The following ERC1 variants were observed in gnomAD, a reference collection of about 807,000 sequenced individuals.
The protein encoded by ERC1 is ELKS/RAB6-interacting/CAST family member 1, also known as RAB6 interacting protein 2.
In ERC1, 56 loss-of-function variants were observed where a neutral mutation model predicts 132.0. That is an observed-to-expected ratio of 0.42 (90% CI 0.34 to 0.53). The LOEUF is 0.53. ERC1 is among the 20% of genes least tolerant of loss of function. The probability of loss-of-function intolerance (pLI) is 0.03; values close to 1 mark genes in which losing one functional copy is unlikely to be tolerated. For synonymous variants in ERC1, 478 were observed against 476.1 expected (o/e 1.00, Z -0.05); for missense variants, 1,202 against 1,349.9 (o/e 0.89, Z 1.72).
chr12:1,405,679 G>A (rs534457520), intron 16 of ERC1, among the ~76,000 whole-genome samples: 9 of 152,066 alleles, frequency 5.9e-5, no homozygotes, highest in African/African-American at 2.2e-4. Flanking sequence ...CTCCAGTCTG[G>A]GTGACAGAGC....
chr12:1,047,420 A>G (rs540179222), intron 2 of ERC1, among the ~76,000 whole-genome samples: 2 of 151,600 alleles, frequency 1.3e-5, no homozygotes, highest in Admixed American at 1.3e-4. Flanking sequence ...TTGTATGCCA[A>G]AGCCCGAAAG....
chr12:1,395,711 A>G (rs968833377), intron 16 of ERC1, among the ~76,000 whole-genome samples: 1 of 152,182 alleles, frequency 6.6e-6, no homozygotes, highest in Non-Finnish European at 1.5e-5. Context: ...AAGCGTTTCT[A>G]AGGATTACAA....
intron 13 of ERC1, among the ~76,000 whole-genome samples, chr12:1,238,046 AAG>A (rs999037901): frequency 3.3e-5 from 5 of 152,210 alleles, no homozygotes; most frequent in Non-Finnish European, 7.3e-5. Context: ...TTTATAGAAA[AAG>A]TATAAATTTC....
intron 12 of ERC1, among the ~76,000 whole-genome samples, chr12:1,198,068 G>C (rs1289898470): frequency 6.6e-6 from 1 of 151,952 alleles, no homozygotes; most frequent in Non-Finnish European, 1.5e-5. Context: ...TGAGACTAGA[G>C]GTGCATGCCA....
chr12:1,159,625 C>T (rs985554706), intron 8 of ERC1, among the ~76,000 whole-genome samples: 2 of 152,180 alleles, frequency 1.3e-5, no homozygotes, highest in African/African-American at 4.8e-5. Flanking sequence ...TCTTTGGCAG[C>T]CCCCAAATCT....
At chr12:1,114,498 AG>A (rs1946241186) in intron 6 of ERC1, among the ~76,000 whole-genome samples, 2 of 152,162 alleles carry the variant, frequency 1.3e-5, no homozygotes, top group South Asian at 4.1e-4. Flanking sequence ...ATAGTTCTTT[AG>A]CTGAGAAAAT....
chr12:1,230,808 C>G (rs2074972801), intron 12 of ERC1, among the ~76,000 whole-genome samples: 1 of 152,002 alleles, frequency 6.6e-6, no homozygotes, highest in African/African-American at 2.4e-5. Context: ...ATGAATTGAC[C>G]CATTTATTGT....
intron 18 of ERC1, among the ~76,000 whole-genome samples, chr12:1,473,059 T>G (rs752282194): frequency 3.3e-5 from 5 of 152,174 alleles, no homozygotes; most frequent in Admixed American, 6.5e-5. Context: ...GGAGTCTCAC[T>G]CTGTTGCCCA....
chr12:1,238,576 G>T (rs1016357847), intron 13 of ERC1, among the ~76,000 whole-genome samples: 1 of 152,018 alleles, frequency 6.6e-6, no homozygotes, highest in South Asian at 2.1e-4. Context: ...TCTGTTTCTA[G>T]GATTTCAGTT....
intron 12 of ERC1, among the ~76,000 whole-genome samples, chr12:1,213,535 G>A (rs1566267676): frequency 6.6e-6 from 1 of 152,020 alleles, no homozygotes; most frequent in Non-Finnish European, 1.5e-5. Flanking sequence ...TTAGGAGTTT[G>A]AGACTAGCAG....
At chr12:1,462,001 A>C (rs1332342300) in intron 18 of ERC1, among the ~76,000 whole-genome samples, 8 of 152,202 alleles carry the variant, frequency 5.3e-5, no homozygotes, top group Non-Finnish European at 1.2e-4. Context: ...CAGTAACAAA[A>C]GATATTTAAT....
chr12:1,258,498 C>T (rs2076948491), intron 13 of ERC1, among the ~76,000 whole-genome samples: 1 of 152,172 alleles, frequency 6.6e-6, no homozygotes, highest in African/African-American at 2.4e-5. Context: ...CGATGTGGTC[C>T]TCAGAGCAGA....
intron 15 of ERC1, among the ~76,000 whole-genome samples, chr12:1,343,393 G>A (rs949215533): frequency 4.6e-5 from 7 of 152,106 alleles, no homozygotes; most frequent in Admixed American, 2.0e-4. Context: ...CCAGTGCTCC[G>A]CTGATTATTT....
intron 2 of ERC1, among the ~76,000 whole-genome samples, chr12:1,043,824 A>G (rs1056583903): frequency 3.2e-5 from 4 of 124,474 alleles, no homozygotes; most frequent in African/African-American, 9.8e-5. Flanking sequence ...AAAGCACTTC[A>G]ACAGCAACAT....
chr12:1,095,487 CAT>C (rs904704332), intron 3 of ERC1, among the ~76,000 whole-genome samples: 13 of 150,946 alleles, frequency 8.6e-5, no homozygotes, highest in African/African-American at 2.9e-4. Flanking sequence ...AGAAAATGAA[CAT>C]ATTTTTTATG....
intron 7 of ERC1, among the ~76,000 whole-genome samples, chr12:1,138,791 G>A (rs991952180): frequency 1.4e-4 from 21 of 152,202 alleles, no homozygotes; most frequent in African/African-American, 2.2e-4. Context: ...CATTGGGACC[G>A]TCTGACCATG....
chr12:1,102,972 C>A (rs769868606), intron 3 of ERC1, among the ~76,000 whole-genome samples: 15 of 152,276 alleles, frequency 9.9e-5, no homozygotes, highest in Non-Finnish European at 2.1e-4. Context: ...ACACCAGTTT[C>A]GAAAATTTTG....
rs943948146 is a variant in ERC1 at position 1,101,712 on chromosome 12, C to T, written c.1087-3038C>T. 4.6e-5 allele frequency among the ~76,000 whole-genome samples: 7 copies of T among 151,922 alleles called. No individual in the cohort carries two copies. In the East Asian group the frequency reaches 7.7e-4, roughly 17 times the overall value. Reference sequence around the variant, plus strand: ...GCTAAGGAATTCAGATATCACACGGCGAGGAAGAGTGATGAATGCCTGCCA... The same window carrying T: ...GCTAAGGAATTCAGATATCACACGGTGAGGAAGAGTGATGAATGCCTGCCA... On this transcript the variant is annotated intron_variant, in intron 3 of 18. Coordinates refer to ENST00000360905, the MANE Select transcript of ERC1 (RefSeq NM_178040.4).
chr12:1,365,473 C>T (rs970139170), intron 15 of ERC1, among the ~76,000 whole-genome samples: 1 of 152,210 alleles, frequency 6.6e-6, no homozygotes, highest in Non-Finnish European at 1.5e-5. Flanking sequence ...TATGAGCCTA[C>T]TCTGTGCTGG....
Sources: allele counts gnomAD v4.1 joint callset (sites outside exome capture counted in the v4.1 genomes callset), GRCh38; gene constraint gnomAD v4.1.1; transcripts MANE v1.5; gene names NCBI Gene and HGNC (gene_info 2026-07-23, HGNC 2026-07-21).